Variants in PTCHD4 observed in about 807,000 individuals in gnomAD.
PTCHD4 encodes the protein patched domain containing 4.
Under a neutral mutation model 58.1 loss-of-function variants are expected in PTCHD4, and 33 were observed. The ratio of observed to expected loss-of-function variants is 0.57; its 90% confidence interval spans 0.43 to 0.76. The LOEUF is 0.76. Ranked by LOEUF, PTCHD4 falls within the 30% of genes least tolerant of loss-of-function variation. PTCHD4 has a pLI of 0.00. For synonymous variants in PTCHD4, 478 were observed against 409.6 expected, an observed-to-expected ratio of 1.17 and a Z score of -2.02; for missense variants, 1,058 against 1,027.1, an observed-to-expected ratio of 1.03 and a Z score of -0.41.
At chr6:47,989,043 G>C (rs538988960) in intron 4 of PTCHD4, among the ~76,000 whole-genome samples, 2 of 152,210 alleles carry the variant, frequency 1.3e-5, no homozygotes, top group South Asian at 4.1e-4. Flanking sequence ...GGACGATAAG[G>C]TTCAGTCTGA....
At chr6:47,885,207 G>A (rs1013523278) in intron 4 of PTCHD4, among the ~76,000 whole-genome samples, 2 of 152,024 alleles carry the variant, frequency 1.3e-5, no homozygotes, top group African/African-American at 2.4e-5. Flanking sequence ...GGGTAAAAAA[G>A]AGTTGGACAG....
At position 47,878,438 on chromosome 6, in the gene PTCHD4, A is replaced by G; in HGVS notation, c.2397T>C (p.Ile799=). 6.2e-7 allele frequency: 1 copy of G among 1,613,514 alleles called. No homozygotes were observed. Residue 799 remains isoleucine, a synonymous_variant, in exon 5 of 5, where the codon ATT becomes ATC. Coordinates refer to ENST00000339488, the MANE Select transcript of PTCHD4 (RefSeq NM_001384253.1). ...GGAAAAACGTTAGGAACACAGGTAA[A>G]ATAACAAAACAGTGCAGAAGTGTGC... ...GGCTLLHCFV[I]LPVFLTFFPP... is the part of the protein sequence containing the mutation.
Position 47,988,821 on chromosome 6 carries a change from G to C in PTCHD4, c.898+19813C>G, listed in dbSNP as rs549308146. On this transcript the variant is annotated intron_variant, in intron 4 of 4. Transcript: ENST00000339488. Reference sequence around the variant, plus strand: ...AGTCTCAGTTATGTCTTTATCAGCAGTGTGAAAATGGACTAATTCAGTAAA... The same window carrying C: ...AGTCTCAGTTATGTCTTTATCAGCACTGTGAAAATGGACTAATTCAGTAAA... Among the ~76,000 whole-genome samples, 34 of 152,300 alleles carry C rather than the reference G, an allele frequency of 2.2e-4. No homozygotes were observed. In the South Asian group the frequency reaches 6.6e-3, roughly 30 times the overall value.
intron 1 of PTCHD4, among the ~76,000 whole-genome samples, chr6:48,106,104 G>A (rs886268719): frequency 6.6e-6 from 1 of 152,106 alleles, no homozygotes; most frequent in African/African-American, 2.4e-5. Flanking sequence ...CATTTTATGA[G>A]GCCAGCATCA....
intron 4 of PTCHD4, among the ~76,000 whole-genome samples, chr6:47,975,473 T>C (rs1462658436): frequency 6.6e-6 from 1 of 152,196 alleles, no homozygotes; most frequent in Non-Finnish European, 1.5e-5. Flanking sequence ...TAGGACAATG[T>C]GTGGCATGGT....
chr6:48,066,243 C>T (rs1349948916), intron 3 of PTCHD4, among the ~76,000 whole-genome samples: 1 of 152,014 alleles, frequency 6.6e-6, no homozygotes, highest in African/African-American at 2.4e-5. Context: ...AAGAGCACAA[C>T]AAATGATTAT....
intron 3 of PTCHD4, among the ~76,000 whole-genome samples, chr6:48,034,628 C>T (rs975531753): frequency 2.0e-5 from 3 of 151,996 alleles, no homozygotes; most frequent in South Asian, 2.1e-4. Flanking sequence ...CAGAGTAATA[C>T]TCAGGTTTTA....
intron 3 of PTCHD4, among the ~76,000 whole-genome samples, chr6:48,042,584 C>A (rs1017560723): frequency 6.6e-6 from 1 of 151,872 alleles, no homozygotes; most frequent in South Asian, 2.1e-4. Context: ...GTTCAGCATT[C>A]TGAACAGAGA....
intron 4 of PTCHD4, among the ~76,000 whole-genome samples, chr6:47,965,728 A>G (rs1300904873): frequency 6.6e-6 from 1 of 152,136 alleles, no homozygotes; most frequent in African/African-American, 2.4e-5. Context: ...GGAAATCGAG[A>G]CCATCTTGGT....
rs1554180455 is a variant in PTCHD4 at position 48,070,155 on chromosome 6, G to GTGTA, written c.-969-230_-969-229insTACA. Among the ~76,000 whole-genome samples the GTGTA allele has an allele frequency of 2.6e-3, 256 of 100,308 alleles. 1 individual carries two copies. Among genetic ancestry groups the GTGTA allele is most frequent in the Middle Eastern group, 0.013 (3 of 224 alleles). The allele number at this position is 100,308 out of a possible 152,430, so 65.8% of individuals were successfully genotyped here. On this transcript the variant is annotated intron_variant, in intron 1 of 4. Transcript: ENST00000339488. Reference sequence around the variant, plus strand: ...TGTGTGTGTGTGTGTGTGTGTGTGTGTATATATATATATGAATTTTTTAGG... The same window carrying GTGTA: ...TGTGTGTGTGTGTGTGTGTGTGTGTGTGTATATATATATATATGAATTTTTTAGG...
At chr6:47,955,344 A>T (rs1276764423) in intron 4 of PTCHD4, among the ~76,000 whole-genome samples, 1 of 152,226 alleles carries the variant, frequency 6.6e-6, no homozygotes, top group Non-Finnish European at 1.5e-5. Context: ...AGAATCAGAG[A>T]AAGAAAAAAT....
chr6:48,096,610 TA>T (rs386406978), intron 1 of PTCHD4, among the ~76,000 whole-genome samples: 105 of 134,650 alleles, frequency 7.8e-4, no homozygotes, highest in Non-Finnish European at 6.4e-4. Context: ...AGACTCTGCC[TA>T]AAAAAAAAAA....
chr6:48,104,272 C>A (rs983306580), intron 1 of PTCHD4, among the ~76,000 whole-genome samples: 141 of 152,280 alleles, frequency 9.3e-4, no homozygotes, highest in Non-Finnish European at 1.3e-3. Flanking sequence ...ACTCTACAAG[C>A]CAGAAGAGAG....
rs576000371 is a variant in PTCHD4 at position 47,941,291 on chromosome 6, T to C, written c.899-61355A>G. Among the ~76,000 whole-genome samples, 13 of 152,272 alleles carry C rather than the reference T, an allele frequency of 8.5e-5. No individual in the cohort carries two copies. In the South Asian group the frequency reaches 1.5e-3, roughly 17 times the overall value. On this transcript the variant is annotated intron_variant, in intron 4 of 4. Coordinates refer to ENST00000339488, the MANE Select transcript of PTCHD4 (RefSeq NM_001384253.1). ...CATGTACCACAGCAGAAGTGAATCT[T>C]GGAGTGTGGAGGAAGCTATGGAAGC...
In PTCHD4 at chr6:47,864,368, G is replaced by T. The variant is rs1197034216; in HGVS notation, c.*13935C>A. ...GCTATTTCACCTACTAGTTTGCTTT[G>T]CTAAAATCCTTGATGGGTAGTGGCT... On this transcript the variant is annotated 3_prime_UTR_variant, in exon 5 of 5. Coordinates refer to ENST00000339488, the MANE Select transcript of PTCHD4 (RefSeq NM_001384253.1). Among the ~76,000 whole-genome samples the T allele has an allele frequency of 1.3e-5, 2 of 151,494 alleles. No individual in the cohort carries two copies. Among genetic ancestry groups the T allele is most frequent in the African/African-American group, 4.8e-5 (2 of 41,244 alleles).
intron 1 of PTCHD4, among the ~76,000 whole-genome samples, chr6:48,087,655 T>C (rs1425837673): frequency 6.6e-6 from 1 of 152,174 alleles, no homozygotes; most frequent in Non-Finnish European, 1.5e-5. Context: ...TCATAACCAC[T>C]AGATGGCAGA....
chr6:47,944,319 A>G (rs1766340099), intron 4 of PTCHD4, among the ~76,000 whole-genome samples: 1 of 152,144 alleles, frequency 6.6e-6, no homozygotes, highest in Non-Finnish European at 1.5e-5. Context: ...ATAACAAATT[A>G]TTCAAAAAAA....
intron 1 of PTCHD4, among the ~76,000 whole-genome samples, chr6:48,071,327 A>G (rs974844468): frequency 1.3e-5 from 2 of 152,262 alleles, no homozygotes; most frequent in Non-Finnish European, 2.9e-5. Context: ...CCACTCTGAC[A>G]TAAATGTAAA....
intron 4 of PTCHD4, among the ~76,000 whole-genome samples, chr6:47,953,686 C>A (rs1014736642): frequency 6.6e-6 from 1 of 151,994 alleles, no homozygotes; most frequent in African/African-American, 2.4e-5. Flanking sequence ...AAAAATATTC[C>A]ATTAAGAAAA....
Sources: allele counts gnomAD v4.1 joint callset (sites outside exome capture counted in the v4.1 genomes callset), GRCh38; gene constraint gnomAD v4.1.1; transcripts MANE v1.5; gene names NCBI Gene and HGNC (gene_info 2026-07-23, HGNC 2026-07-21).